The following RGS6 variants were observed in gnomAD, a reference collection of about 807,000 sequenced individuals.
RGS6 encodes regulator of G-protein signaling 6.
Under a neutral mutation model 78.5 loss-of-function variants are expected in RGS6, and 30 were observed. That is an observed-to-expected ratio of 0.38 (90% CI 0.29 to 0.52). The LOEUF (loss-of-function observed/expected upper bound fraction) is 0.52. Among genes scored for constraint, RGS6 ranks in the 20% least tolerant of loss-of-function variants. The pLI, the probability that RGS6 is intolerant of heterozygous loss-of-function variation, is 0.85. For missense variants in RGS6, 495 were observed against 609.7 expected (o/e 0.81, Z 1.98); for synonymous variants, 206 against 206.0 (o/e 1.00, Z 0.00).
At chr14:72,201,276 C>G (rs1289364064) in intron 2 of RGS6, among the ~76,000 whole-genome samples, 1 of 152,172 alleles carries the variant, frequency 6.6e-6, no homozygotes, top group East Asian at 1.9e-4. Flanking sequence ...GATTTGCCTC[C>G]TGTTTCTTAT....
intron 2 of RGS6, among the ~76,000 whole-genome samples, chr14:72,013,349 C>A (rs1443310088): frequency 1.6e-5 from 1 of 62,622 alleles, no homozygotes; most frequent in Non-Finnish European, 4.6e-5. Context: ...GTGAATGACA[C>A]ATTAATGACT....
rs1555400488 is a variant in RGS6, at chr14:71,956,357, G to GTGTA, written c.-20-8414_-20-8413insGTAT. Among the ~76,000 whole-genome samples the GTGTA allele has an allele frequency of 8.9e-3, 1,341 of 150,586 alleles. 22 individuals carry two copies. The highest frequency in any genetic ancestry group is 0.026 in the East Asian group (133 of 5,122). ...TGTGTGTGTGTGTGTGTGTGTGTGTGTATATTCTATTTTTATATATACAAT... is the reference window on the plus strand; with the variant it reads ...TGTGTGTGTGTGTGTGTGTGTGTGTGTGTATATATTCTATTTTTATATATACAAT... On this transcript the variant is annotated intron_variant, in intron 1 of 17. Coordinates refer to ENST00000553525, the MANE Select transcript of RGS6 (RefSeq NM_001204424.2).
At chr14:72,212,037 C>G (rs1329003556) in intron 2 of RGS6, among the ~76,000 whole-genome samples, 4 of 152,080 alleles carry the variant, frequency 2.6e-5, no homozygotes, top group Non-Finnish European at 5.9e-5. Context: ...AAGCTGTCAC[C>G]AAAGAAACTA....
intron 2 of RGS6, among the ~76,000 whole-genome samples, chr14:72,283,465 C>T (rs1595275805): frequency 6.6e-6 from 1 of 152,126 alleles, no homozygotes; most frequent in South Asian, 2.1e-4. Context: ...ATGGTTTCCC[C>T]ATACTGTTCT....
chr14:72,444,978 G>A (rs2095326633), intron 3 of RGS6, among the ~76,000 whole-genome samples: 1 of 107,678 alleles, frequency 9.3e-6, no homozygotes, highest in Admixed American at 1.1e-4. Flanking sequence ...CAGTCTGGAA[G>A]CCAGTTGAGC....
chr14:72,038,395 A>G (rs1487318620), intron 2 of RGS6, among the ~76,000 whole-genome samples: 1 of 152,162 alleles, frequency 6.6e-6, no homozygotes, highest in Non-Finnish European at 1.5e-5. Flanking sequence ...GCCTTTCCAT[A>G]TACCTTTAGA....
intron 3 of RGS6, among the ~76,000 whole-genome samples, chr14:72,427,344 A>C (rs942349441): frequency 6.6e-6 from 1 of 152,236 alleles, no homozygotes. Flanking sequence ...GAAAAAACAT[A>C]GTATATGTAG....
chr14:72,388,506 C>T (rs549545150), intron 3 of RGS6, among the ~76,000 whole-genome samples: 1 of 152,136 alleles, frequency 6.6e-6, no homozygotes, highest in South Asian at 2.1e-4. Flanking sequence ...TCGAGTCCCC[C>T]TTTTCTCAGA....
chr14:72,598,472 C>G, the RGS6 span, among the ~76,000 whole-genome samples: 1 of 152,218 alleles, frequency 6.6e-6, no homozygotes, highest in South Asian at 2.1e-4. Context: ...GAGAGAGAAG[C>G]CAGGCATCCA....
intron 3 of RGS6, among the ~76,000 whole-genome samples, 198 bp from the exon 4 acceptor site, chr14:72,454,330 T>A (rs1171253230): frequency 6.6e-6 from 1 of 152,216 alleles, no homozygotes; most frequent in East Asian, 1.9e-4. Context: ...GAGTGTTTTT[T>A]GGACAAGAAT....
intron 2 of RGS6, among the ~76,000 whole-genome samples, chr14:72,212,062 C>T (rs1207258343): frequency 6.6e-5 from 10 of 152,116 alleles, no homozygotes; most frequent in African/African-American, 1.2e-4. Context: ...AGAACCAGTA[C>T]GTTACCTGGG....
chr14:72,351,208 C>A (rs1352619486), intron 2 of RGS6, among the ~76,000 whole-genome samples: 2 of 152,146 alleles, frequency 1.3e-5, no homozygotes, highest in African/African-American at 4.8e-5. Flanking sequence ...ATTATTTTCT[C>A]CCCTTCAGTT....
intron 1 of RGS6, among the ~76,000 whole-genome samples, chr14:71,960,216 G>C (rs2093088024): frequency 6.6e-6 from 1 of 152,124 alleles, no homozygotes; most frequent in Non-Finnish European, 1.5e-5. Context: ...GTGCTCAATT[G>C]TCCTATTATG....
the RGS6 span, among the ~76,000 whole-genome samples, chr14:71,891,579 G>T: frequency 2.6e-4 from 39 of 152,344 alleles, no homozygotes; most frequent in African/African-American, 8.2e-4. Context: ...TCACATGGAT[G>T]GTGTTGGTTG....
chr14:72,002,518 T>A (rs1340746079), intron 2 of RGS6, among the ~76,000 whole-genome samples: 1 of 152,160 alleles, frequency 6.6e-6, no homozygotes, highest in East Asian at 1.9e-4. Flanking sequence ...ACATGATAGT[T>A]ACTCTTATCT....
intron 13 of RGS6, among the ~76,000 whole-genome samples, chr14:72,497,534 G>A (rs2096661250): frequency 6.6e-6 from 1 of 151,842 alleles, no homozygotes; most frequent in Non-Finnish European, 1.5e-5. Context: ...AAAAACCCTA[G>A]TTTCTATTCT....
At chr14:72,033,264 C>A (rs536034490) in intron 2 of RGS6, among the ~76,000 whole-genome samples, 1 of 152,292 alleles carries the variant, frequency 6.6e-6, no homozygotes, top group East Asian at 1.9e-4. Context: ...CAAGGTCTCT[C>A]ACTCTGCCAC....
At chr14:72,089,467 T>C (rs1186313446) in intron 2 of RGS6, among the ~76,000 whole-genome samples, 3 of 152,224 alleles carry the variant, frequency 2.0e-5, no homozygotes, top group Non-Finnish European at 4.4e-5. Flanking sequence ...TGTATTCGTT[T>C]CCTGATGATC....
intron 5 of RGS6, 101 bp downstream of exon 5, chr14:72,458,478 A>G: frequency 1.2e-6 from 1 of 866,670 alleles, no homozygotes. Flanking sequence ...CTGAGGGAGT[A>G]GCCCTCACTC....
Sources: allele counts gnomAD v4.1 joint callset (sites outside exome capture counted in the v4.1 genomes callset), GRCh38; gene constraint gnomAD v4.1.1; transcripts MANE v1.5; gene names NCBI Gene and HGNC (gene_info 2026-07-23, HGNC 2026-07-21).